The following GPR158 variants were observed in gnomAD, a reference collection of about 807,000 sequenced individuals.
GPR158 encodes G protein-coupled receptor 158.
Under a neutral mutation model 78.2 loss-of-function variants are expected in GPR158, and 30 were observed. The observed-to-expected ratio is 0.38, with a 90% CI of 0.29 to 0.52. The LOEUF (loss-of-function observed/expected upper bound fraction) is 0.52. GPR158 is among the 20% of genes least tolerant of loss of function. The probability of loss-of-function intolerance (pLI) is 0.83; values close to 1 mark genes in which losing one functional copy is unlikely to be tolerated. For missense variants in GPR158, 1,463 were observed against 1,523.5 expected (o/e 0.96, Z 0.66); for synonymous variants, 581 against 591.1 (o/e 0.98, Z 0.25).
chr10:25,223,096 A>C (rs1853322803), intron 2 of GPR158, among the ~76,000 whole-genome samples: 2 of 152,160 alleles, frequency 1.3e-5, no homozygotes, highest in African/African-American at 4.8e-5. Flanking sequence ...AATATCCTCT[A>C]TTCTGATTAA....
chr10:25,235,284 A>G (rs1853504198), intron 2 of GPR158, among the ~76,000 whole-genome samples: 1 of 152,148 alleles, frequency 6.6e-6, no homozygotes, highest in Non-Finnish European at 1.5e-5. Flanking sequence ...TTTTACTTCA[A>G]TATCTCATGA....
At chr10:25,550,131 C>T (rs1233540910) in intron 5 of GPR158, among the ~76,000 whole-genome samples, 1 of 152,136 alleles carries the variant, frequency 6.6e-6, no homozygotes, top group East Asian at 1.9e-4. Context: ...TGTTCACTCT[C>T]CCCTGGAATT....
At chr10:25,394,395 G>C (rs1834341542) in intron 2 of GPR158, among the ~76,000 whole-genome samples, 1 of 152,152 alleles carries the variant, frequency 6.6e-6, no homozygotes, top group Admixed American at 6.5e-5. Context: ...CATAATACTA[G>C]TGCTTCTCCT....
chr10:25,504,807 A>G (rs1181843476), intron 5 of GPR158, among the ~76,000 whole-genome samples: 1 of 152,154 alleles, frequency 6.6e-6, no homozygotes, highest in Non-Finnish European at 1.5e-5. Flanking sequence ...CTATCATGTT[A>G]TCATGTGCAC....
At chr10:25,233,467 T>C (rs771653827) in intron 2 of GPR158, among the ~76,000 whole-genome samples, 1 of 152,172 alleles carries the variant, frequency 6.6e-6, no homozygotes, top group Non-Finnish European at 1.5e-5. Flanking sequence ...CATTTGGAAA[T>C]AGGATAATGG....
At chr10:25,562,242 G>T (rs185571197) in intron 6 of GPR158, among the ~76,000 whole-genome samples, 1 of 152,092 alleles carries the variant, frequency 6.6e-6, no homozygotes, top group Non-Finnish European at 1.5e-5. Flanking sequence ...TCTTCTGGAA[G>T]AACCAACTTA....
intron 7 of GPR158, among the ~76,000 whole-genome samples, chr10:25,575,179 G>A (rs1837073805): frequency 6.6e-6 from 1 of 152,162 alleles, no homozygotes; most frequent in Non-Finnish European, 1.5e-5. Flanking sequence ...AGTAATGCTA[G>A]GTGGTTGAGT....
At chr10:25,517,167 CTGTT>C (rs1361270370) in intron 5 of GPR158, among the ~76,000 whole-genome samples, 18 of 145,878 alleles carry the variant, frequency 1.2e-4, no homozygotes, top group Admixed American at 2.0e-4. Context: ...ATTTGGCTCT[CTGTT>C]TGTCTGTTGT....
chr10:25,311,852 G>A (rs773289767), intron 2 of GPR158, among the ~76,000 whole-genome samples: 25 of 151,772 alleles, frequency 1.6e-4, no homozygotes, highest in Non-Finnish European at 1.0e-4. Context: ...ATGTTTGCAC[G>A]GATCTGTACA....
At chr10:25,501,373 A>G (rs1377791887) in intron 5 of GPR158, among the ~76,000 whole-genome samples, 1 of 152,168 alleles carries the variant, frequency 6.6e-6, no homozygotes, top group Non-Finnish European at 1.5e-5. Flanking sequence ...CTCTCCTCCC[A>G]TGATTTTCTA....
intron 2 of GPR158, among the ~76,000 whole-genome samples, chr10:25,358,917 A>C (rs1216545613): frequency 2.0e-5 from 3 of 152,072 alleles, no homozygotes; most frequent in African/African-American, 7.2e-5. Context: ...ATGTGTACTT[A>C]AGAAGAATAT....
At chr10:25,455,282 G>C (rs934430521) in intron 4 of GPR158, among the ~76,000 whole-genome samples, 2 of 152,102 alleles carry the variant, frequency 1.3e-5, no homozygotes, top group South Asian at 4.1e-4. Flanking sequence ...GGAGTTATTA[G>C]TTTAGAAAGT....
chr10:25,556,649 C>G (rs1836790208), intron 6 of GPR158, among the ~76,000 whole-genome samples: 1 of 152,178 alleles, frequency 6.6e-6, no homozygotes, highest in Non-Finnish European at 1.5e-5. Context: ...TGAGGAAGGT[C>G]TCTTTCCCAG....
chr10:25,255,747 T>C (rs1853881512), intron 2 of GPR158, among the ~76,000 whole-genome samples: 2 of 152,240 alleles, frequency 1.3e-5, no homozygotes, highest in African/African-American at 4.8e-5. Flanking sequence ...CTTTCTCTTT[T>C]GAATAACTCA....
At chr10:25,498,383 G>A (rs1418741862) in intron 5 of GPR158, among the ~76,000 whole-genome samples, 1 of 152,148 alleles carries the variant, frequency 6.6e-6, no homozygotes. Flanking sequence ...TCTTTGTAAT[G>A]TAGTGGTTCT....
chr10:25,372,278 A>C (rs1248666647), intron 2 of GPR158, among the ~76,000 whole-genome samples: 1 of 152,034 alleles, frequency 6.6e-6, no homozygotes, highest in Non-Finnish European at 1.5e-5. Context: ...AACTGGTTCA[A>C]CCATTGTGGA....
chr10:25,422,749 G>T (rs1834767768), intron 4 of GPR158, among the ~76,000 whole-genome samples: 1 of 151,742 alleles, frequency 6.6e-6, no homozygotes. Flanking sequence ...CGTGGTGTTG[G>T]GTTACACGAA....
intron 2 of GPR158, among the ~76,000 whole-genome samples, chr10:25,312,100 AG>A: frequency 6.6e-6 from 1 of 152,128 alleles, no homozygotes; most frequent in African/African-American, 2.4e-5. Flanking sequence ...TTTTTCAGAA[AG>A]TTGTGGATAT....
chr10:25,417,150 A>G (rs191619250), intron 4 of GPR158, among the ~76,000 whole-genome samples: 130 of 152,342 alleles, frequency 8.5e-4, no homozygotes, highest in African/African-American at 2.9e-3. Context: ...TTATGTAGAC[A>G]ATAGTGTAAA....
Sources: gnomAD v4.1 joint callset for allele counts (sites outside exome capture counted in the v4.1 genomes callset) on GRCh38, gnomAD v4.1.1 for gene constraint, MANE v1.5 for transcripts, NCBI Gene and HGNC (gene_info 2026-07-23, HGNC 2026-07-21) for gene names.